AFAP1L1: variants seen among roughly 807,000 people sequenced by gnomAD.
The protein encoded by AFAP1L1 is actin filament associated protein 1 like 1.
A neutral mutation model predicts 99.8 loss-of-function variants in AFAP1L1; 77 were observed. The observed-to-expected ratio is 0.77, with a 90% CI of 0.64 to 0.93. The LOEUF (loss-of-function observed/expected upper bound fraction) is 0.93, where lower values mean the gene tolerates loss of function less well. Ranked by LOEUF, AFAP1L1 falls within the 40% of genes least tolerant of loss-of-function variation. AFAP1L1 has a pLI of 0.00. For synonymous variants in AFAP1L1, 373 were observed against 395.3 expected (o/e 0.94, Z 0.67); for missense variants, 893 against 996.8 (o/e 0.90, Z 1.40).
At chr5:149,297,017 A>T (rs1234120727) in intron 1 of AFAP1L1, among the ~76,000 whole-genome samples, 1 of 152,174 alleles carries the variant, frequency 6.6e-6, no homozygotes, top group Non-Finnish European at 1.5e-5. Flanking sequence ...GTTACCTCCC[A>T]CTGGGTCTCT....
intron 1 of AFAP1L1, among the ~76,000 whole-genome samples, chr5:149,280,296 G>A (rs182767578): frequency 3.0e-4 from 45 of 152,154 alleles, no homozygotes; most frequent in Admixed American, 2.6e-3. Flanking sequence ...CTGTTGCCTC[G>A]GATAGGAGCT....
intron 12 of AFAP1L1, 23 bp from the exon 13 acceptor site, chr5:149,319,559 C>A (rs1424173385): frequency 1.3e-6 from 2 of 1,574,720 alleles, no homozygotes; most frequent in African/African-American, 1.4e-5. Context: ...AAATGAACTC[C>A]ATCTTTGCCT....
chr5:149,329,645 C>T, intron 15 of AFAP1L1, 21 bp from the exon 16 acceptor site: 1 of 1,603,476 alleles, frequency 6.2e-7, no homozygotes, highest in Non-Finnish European at 8.5e-7. Context: ...GAGGGCCTTT[C>T]CCTTCCCCAT....
At chr5:149,294,815 TC>T (rs35653916) in intron 1 of AFAP1L1, among the ~76,000 whole-genome samples, 140,273 of 152,152 alleles carry the variant, frequency 0.92, 64,768 homozygotes, top group Non-Finnish European at 0.94. Flanking sequence ...TCTGCCCACC[TC>T]CCCCCAGCCC....
At chr5:149,331,128 G>T (rs1757243387) in intron 16 of AFAP1L1, among the ~76,000 whole-genome samples, 3 of 152,070 alleles carry the variant, frequency 2.0e-5, no homozygotes, top group Admixed American at 6.5e-5. Flanking sequence ...TACTAATATA[G>T]GTTTGTTAGA....
In AFAP1L1 at chr5:149,342,495, G is replaced by C. The variant is rs1443181476; in HGVS notation, c.*2465G>C. 1.3e-5 allele frequency among the ~76,000 whole-genome samples: 2 copies of C among 152,210 alleles called. No individual in the cohort carries two copies. Among genetic ancestry groups the C allele is most frequent in the Non-Finnish European group, 2.9e-5 (2 of 68,050 alleles). On this transcript the variant is annotated 3_prime_UTR_variant, in exon 19 of 19. Coordinates refer to ENST00000296721, the MANE Select transcript of AFAP1L1 (RefSeq NM_152406.4). ...TACTGCAACATTCAGAAGCACACTA[G>C]CACTTAATAAATAGACGAATGAATG...
intron 1 of AFAP1L1, among the ~76,000 whole-genome samples, chr5:149,281,147 G>A (rs1237566914): frequency 6.6e-6 from 1 of 152,108 alleles, no homozygotes; most frequent in Non-Finnish European, 1.5e-5. Context: ...TTCACGGTGG[G>A]GGGGTTGCTA....
chr5:149,335,809 G>A (rs1228238451), intron 18 of AFAP1L1, 87 bp downstream of exon 18: 1 of 1,538,054 alleles, frequency 6.5e-7, no homozygotes, highest in Non-Finnish European at 8.8e-7. Context: ...AAATCAACTA[G>A]TGAGAAAGGT....
intron 4 of AFAP1L1, 47 bp from the exon 5 acceptor site, chr5:149,302,371 C>T: frequency 6.9e-7 from 1 of 1,450,010 alleles, no homozygotes. Context: ...GCCTCTCTCT[C>T]CCTACCCTGC....
At chr5:149,334,718 C>T (rs1757352875) in intron 17 of AFAP1L1, among the ~76,000 whole-genome samples, 1 of 152,138 alleles carries the variant, frequency 6.6e-6, no homozygotes, top group South Asian at 2.1e-4. Context: ...TCGAAACCAG[C>T]CTGGCCAACA....
chr5:149,312,241 C>G (rs1756656004), intron 9 of AFAP1L1, 37 bp downstream of exon 9: 4 of 1,593,556 alleles, frequency 2.5e-6, no homozygotes, highest in Non-Finnish European at 3.4e-6. Context: ...CCAGGCCAGG[C>G]AGTGGCCACT....
chr5:149,298,509 T>C (rs776760523), intron 1 of AFAP1L1, among the ~76,000 whole-genome samples: 2 of 152,326 alleles, frequency 1.3e-5, no homozygotes, highest in South Asian at 2.1e-4. Context: ...GTAATGAAGA[T>C]AATAAAATAC....
Position 149,317,951 on chromosome 5 carries a change from A to T in AFAP1L1, c.1479+11A>T. ...GTGGCCATCTTGGAGGTGAGAGGAG[A>T]GGGTGGGACGTGGGTGGCTCTTGGT... On this transcript the variant is annotated intron_variant, in intron 12 of 18. Coordinates refer to ENST00000296721, the MANE Select transcript of AFAP1L1 (RefSeq NM_152406.4). 6.4e-7 allele frequency: 1 copy of T among 1,559,632 alleles called. No individual in the cohort carries two copies. The highest frequency in any genetic ancestry group is 8.7e-7 in the Non-Finnish European group (1 of 1,151,554).
At chr5:149,288,922 C>A (rs73275802) in intron 1 of AFAP1L1, among the ~76,000 whole-genome samples, 1 of 152,160 alleles carries the variant, frequency 6.6e-6, no homozygotes, top group African/African-American at 2.4e-5. Context: ...GTCACCCTAG[C>A]CTGACTCCTG....
intron 12 of AFAP1L1, 35 bp from the exon 13 acceptor site, chr5:149,319,547 G>GA: frequency 6.4e-7 from 1 of 1,566,918 alleles, no homozygotes; most frequent in Non-Finnish European, 8.7e-7. Context: ...CTGACAGTAG[G>GA]AAAATGAACT....
chr5:149,310,271 A>G, intron 8 of AFAP1L1, 136 bp downstream of exon 8: 1 of 1,115,246 alleles, frequency 9.0e-7, no homozygotes, highest in South Asian at 1.7e-5. Flanking sequence ...CTGCGTGGCT[A>G]GGGCTTATGT....
chr5:149,282,406 G>T (rs1755546250), intron 1 of AFAP1L1, among the ~76,000 whole-genome samples: 1 of 152,212 alleles, frequency 6.6e-6, no homozygotes, highest in Non-Finnish European at 1.5e-5. Context: ...ACAGCTAAAT[G>T]AGTAGTGTAG....
At chr5:149,335,501 T>G (rs1757381104) in intron 17 of AFAP1L1, 93 bp from the exon 18 acceptor site, 3 of 1,445,170 alleles carry the variant, frequency 2.1e-6, no homozygotes, top group African/African-American at 2.9e-5. Context: ...AAAATAAAAA[T>G]AATAAAGTGT....
At position 149,331,769 on chromosome 5, in the gene AFAP1L1, G is replaced by A. The variant is rs142526923; in HGVS notation, c.1976-926G>A. Among the ~76,000 whole-genome samples, 339 of 152,292 alleles carry A rather than the reference G, an allele frequency of 2.2e-3. 1 individual carries two copies. The highest frequency in any genetic ancestry group is 3.6e-3 in the Non-Finnish European group (242 of 68,036). On this transcript the variant is annotated intron_variant, in intron 16 of 18. Coordinates refer to ENST00000296721, the MANE Select transcript of AFAP1L1 (RefSeq NM_152406.4). ...AGAAGATGTAATTGGAAAATTGAGC[G>A]ATCTGGTGTAGTGGGGTCCAGGGAC...
Sources: gnomAD v4.1 joint callset for allele counts (sites outside exome capture counted in the v4.1 genomes callset) on GRCh38, gnomAD v4.1.1 for gene constraint, MANE v1.5 for transcripts, NCBI Gene and HGNC (gene_info 2026-07-23, HGNC 2026-07-21) for gene names.